The following ERBB4 variants were observed in gnomAD, a reference collection of about 807,000 sequenced individuals.
The protein encoded by ERBB4 is erb-b2 receptor tyrosine kinase 4.
Under a neutral mutation model 158.0 loss-of-function variants are expected in ERBB4, and 42 were observed. The observed-to-expected ratio is 0.27, with a 90% CI of 0.21 to 0.34. ERBB4 has a LOEUF of 0.34. Among genes scored for constraint, ERBB4 ranks in the 10% least tolerant of loss-of-function variants. The pLI, the probability that ERBB4 is intolerant of heterozygous loss-of-function variation, is 1.00. For missense variants in ERBB4, 1,333 were observed against 1,624.1 expected, an observed-to-expected ratio of 0.82 and a Z score of 3.08; for synonymous variants, 583 against 558.7, an observed-to-expected ratio of 1.04 and a Z score of -0.61.
intron 1 of ERBB4, among the ~76,000 whole-genome samples, chr2:212,283,902 T>C (rs1339342843): frequency 6.6e-6 from 1 of 152,086 alleles, no homozygotes; most frequent in Non-Finnish European, 1.5e-5. Flanking sequence ...CTCATTGTTA[T>C]TGTTTATTGA....
At chr2:212,446,517 A>G (rs2092350468) in intron 1 of ERBB4, among the ~76,000 whole-genome samples, 1 of 138,988 alleles carries the variant, frequency 7.2e-6, no homozygotes, top group Non-Finnish European at 1.6e-5. Context: ...CTTGCACCTC[A>G]GCTTGCAGAC....
chr2:212,361,908 C>T (rs180712273), intron 1 of ERBB4, among the ~76,000 whole-genome samples: 215 of 151,646 alleles, frequency 1.4e-3, no homozygotes, highest in Non-Finnish European at 2.3e-3. Context: ...GTTTCTAACT[C>T]ATATGACATT....
chr2:212,041,246 T>C (rs1189247507), intron 2 of ERBB4, among the ~76,000 whole-genome samples: 1 of 152,176 alleles, frequency 6.6e-6, no homozygotes, highest in African/African-American at 2.4e-5. Flanking sequence ...AAATTATAGC[T>C]GCCTACCACT....
chr2:211,576,605 C>T (rs571939654), intron 19 of ERBB4, among the ~76,000 whole-genome samples: 76 of 152,072 alleles, frequency 5.0e-4, no homozygotes, highest in African/African-American at 1.8e-3. Flanking sequence ...AACTCATCCC[C>T]GATATGGATT....
chr2:212,443,184 T>C (rs1288885654), intron 1 of ERBB4, among the ~76,000 whole-genome samples: 1 of 152,106 alleles, frequency 6.6e-6, no homozygotes, highest in Non-Finnish European at 1.5e-5. Flanking sequence ...ACCTCAGGGG[T>C]TTATCAATTC....
At chr2:211,592,952 G>C (rs897583420) in intron 19 of ERBB4, among the ~76,000 whole-genome samples, 1 of 151,084 alleles carries the variant, frequency 6.6e-6, no homozygotes, top group Non-Finnish European at 1.5e-5. Flanking sequence ...GGAGGTTGCA[G>C]TGAGCCAAGA....
At chr2:212,267,825 C>A (rs1432160950) in intron 1 of ERBB4, among the ~76,000 whole-genome samples, 1 of 149,568 alleles carries the variant, frequency 6.7e-6, no homozygotes, top group Non-Finnish European at 1.5e-5. Context: ...GGCCAGACTT[C>A]AAAATTTCTA....
At chr2:211,806,646 T>C (rs2076624101) in intron 3 of ERBB4, among the ~76,000 whole-genome samples, 1 of 152,078 alleles carries the variant, frequency 6.6e-6, no homozygotes, top group South Asian at 2.1e-4. Context: ...AAGAAGGTAG[T>C]CTCCAGGGAA....
At chr2:212,036,763 G>C (rs1002371177) in intron 2 of ERBB4, among the ~76,000 whole-genome samples, 3 of 152,052 alleles carry the variant, frequency 2.0e-5, no homozygotes, top group African/African-American at 7.2e-5. Flanking sequence ...CGCATGCCCG[G>C]CCAAATACAT....
At chr2:212,532,588 A>C (rs1234410263) in intron 1 of ERBB4, among the ~76,000 whole-genome samples, 3 of 152,272 alleles carry the variant, frequency 2.0e-5, no homozygotes, top group Non-Finnish European at 2.9e-5. Flanking sequence ...ACTTTTAGCT[A>C]CACTAATAAA....
chr2:211,776,524 G>C lies in ERBB4; in HGVS notation c.556+11501C>G, dbSNP rs150245050. Among the ~76,000 whole-genome samples the C allele has an allele frequency of 4.4e-3, 670 of 152,204 alleles. 1 individual carries two copies. The highest frequency in any genetic ancestry group is 0.015 in the African/African-American group (636 of 41,526). On this transcript the variant is annotated intron_variant, in intron 4 of 27. Transcript: ENST00000342788. Reference sequence around the variant, plus strand: ...ATACTTGCATGTGTAATCTTACTAAGAGCTAATAAAAAAGACCAGGACAAA... The same window carrying C: ...ATACTTGCATGTGTAATCTTACTAACAGCTAATAAAAAAGACCAGGACAAA...
At chr2:212,108,501 G>A (rs1392191320) in intron 2 of ERBB4, among the ~76,000 whole-genome samples, 1 of 152,138 alleles carries the variant, frequency 6.6e-6, no homozygotes, top group African/African-American at 2.4e-5. Context: ...GTGTGTTCAG[G>A]GGTCATGCCA....
intron 2 of ERBB4, among the ~76,000 whole-genome samples, chr2:212,085,318 T>G (rs940541146): frequency 6.6e-6 from 1 of 151,998 alleles, no homozygotes; most frequent in African/African-American, 2.4e-5. Flanking sequence ...TATTATTTAC[T>G]CAAGTATTCC....
intron 19 of ERBB4, among the ~76,000 whole-genome samples, chr2:211,618,272 T>A (rs1175537027): frequency 6.6e-6 from 1 of 152,104 alleles, no homozygotes; most frequent in Non-Finnish European, 1.5e-5. Context: ...TAAAACAGTA[T>A]GGTTAATTTT....
intron 20 of ERBB4, among the ~76,000 whole-genome samples, chr2:211,435,825 A>G (rs80303404): frequency 0.028 from 4,207 of 152,314 alleles, 187 homozygotes; most frequent in African/African-American, 0.094. Context: ...AATGCATGGT[A>G]GAAGTTGGAT....
rs3040294 is a variant in ERBB4 at position 212,260,081 on chromosome 2, A to AAAAGAAAAG, written c.83-135179_83-135178insCTTTTCTTT. On this transcript the variant is annotated intron_variant, in intron 1 of 27. Coordinates refer to ENST00000342788, the MANE Select transcript of ERBB4 (RefSeq NM_005235.3). ...GAGACTCTGTCTCAGAAAAAAAAAA[A>AAAAGAAAAG]AAAAGAAAAGAAAAGAAATGTACTA... Among the ~76,000 whole-genome samples the AAAAGAAAAG allele has an allele frequency of 6.3e-3, 939 of 148,896 alleles. 24 individuals carry two copies. In the East Asian group the frequency reaches 0.09, roughly 14 times the overall value.
chr2:211,538,760 T>A (rs2125678571), intron 20 of ERBB4, among the ~76,000 whole-genome samples: 1 of 151,974 alleles, frequency 6.6e-6, no homozygotes, highest in African/African-American at 2.4e-5. Context: ...GTTCGTAGAA[T>A]TGATGGTATA....
intron 2 of ERBB4, among the ~76,000 whole-genome samples, chr2:212,111,581 G>T (rs1263497181): frequency 6.6e-6 from 1 of 151,740 alleles, no homozygotes; most frequent in Non-Finnish European, 1.5e-5. Flanking sequence ...AAAAAGGAGA[G>T]GATTTCCCAG....
At chr2:212,478,184 T>C (rs1689503459) in intron 1 of ERBB4, among the ~76,000 whole-genome samples, 1 of 152,088 alleles carries the variant, frequency 6.6e-6, no homozygotes, top group Non-Finnish European at 1.5e-5. Flanking sequence ...TTTCAGAAAG[T>C]CTAATTTACC....
Sources: allele counts gnomAD v4.1 joint callset (sites outside exome capture counted in the v4.1 genomes callset), GRCh38; gene constraint gnomAD v4.1.1; transcripts MANE v1.5; gene names NCBI Gene and HGNC (gene_info 2026-07-23, HGNC 2026-07-21).